Variants in ANKRD55 observed in about 807,000 individuals in gnomAD.
ANKRD55 encodes ankyrin repeat domain 55, also known as ankyrin repeat domain-containing protein 55.
A neutral mutation model predicts 60.6 loss-of-function variants in ANKRD55; 41 were observed. The observed-to-expected ratio is 0.68, with a 90% CI of 0.53 to 0.88. The LOEUF is 0.88. Among genes scored for constraint, ANKRD55 ranks in the 40% least tolerant of loss-of-function variants. ANKRD55 has a pLI of 0.00. For synonymous variants in ANKRD55, 264 were observed against 290.3 expected (o/e 0.91, Z 0.92); for missense variants, 732 against 767.6 (o/e 0.95, Z 0.55).
chr5:56,187,047 A>G (rs1289166388), intron 2 of ANKRD55, among the ~76,000 whole-genome samples: 1 of 152,254 alleles, frequency 6.6e-6, no homozygotes, highest in East Asian at 1.9e-4. Flanking sequence ...CACACTGTGG[A>G]CCACATACAG....
chr5:56,198,798 G>A (rs1435443565), intron 2 of ANKRD55, among the ~76,000 whole-genome samples: 1 of 151,948 alleles, frequency 6.6e-6, no homozygotes, highest in Non-Finnish European at 1.5e-5. Context: ...GTGTTTAGGG[G>A]CTGGGCAGCG....
intron 5 of ANKRD55, among the ~76,000 whole-genome samples, chr5:56,164,845 T>A (rs950726632): frequency 6.6e-6 from 1 of 152,184 alleles, no homozygotes; most frequent in African/African-American, 2.4e-5. Flanking sequence ...ATCTTTGCTT[T>A]TGTAAACCCA....
Position 56,159,851 on chromosome 5 carries a change from A to G in ANKRD55, c.465T>C (p.Ile155=). ...GGCTCACCTCATTGTCCTGGTGATTAATCTCGCTGATGTTCGACTGTTGCA... is the reference window on the plus strand; with the variant it reads ...GGCTCACCTCATTGTCCTGGTGATTGATCTCGCTGATGTTCGACTGTTGCA... ...VLLQQSNISE[I]NHQDNEGMTP... is the part of the protein sequence containing the mutation. Residue 155 remains isoleucine (I), a synonymous_variant, in exon 6 of 12, where the codon ATT becomes ATC. Coordinates refer to ENST00000341048, the MANE Select transcript of ANKRD55 (RefSeq NM_024669.3). 1 of 1,613,954 alleles carries G rather than the reference A, an allele frequency of 6.2e-7. No individual in the cohort carries two copies. The highest frequency in any genetic ancestry group is 8.5e-7 in the Non-Finnish European group (1 of 1,179,880).
intron 9 of ANKRD55, among the ~76,000 whole-genome samples, chr5:56,116,006 C>A (rs981890779): frequency 3.3e-5 from 5 of 150,280 alleles, no homozygotes; most frequent in African/African-American, 1.3e-4. Context: ...AGGCACCCAC[C>A]ACCATGCCTG....
chr5:56,195,814 G>A (rs532437486), intron 2 of ANKRD55, among the ~76,000 whole-genome samples: 1 of 152,232 alleles, frequency 6.6e-6, no homozygotes, highest in South Asian at 2.1e-4. Context: ...TTATTTGAGA[G>A]GATGTTCATT....
intron 5 of ANKRD55, among the ~76,000 whole-genome samples, chr5:56,169,526 C>T (rs1399045337): frequency 3.3e-5 from 5 of 151,528 alleles, no homozygotes; most frequent in African/African-American, 1.2e-4. Flanking sequence ...TTCTAAACAT[C>T]CTTGTTTTGT....
Position 56,171,108 on chromosome 5 carries a change from ACACAT to A in ANKRD55, c.313-310_313-306del, listed in dbSNP as rs1370535080. On this transcript the variant is annotated intron_variant, in intron 4 of 11. Coordinates refer to ENST00000341048, the MANE Select transcript of ANKRD55 (RefSeq NM_024669.3). ...ACTGGTATTACATGTATAAGCTCAG[ACACAT>A]GATAAATGGGCCTTGGTCTTCTATT... 2.6e-5 allele frequency among the ~76,000 whole-genome samples: 4 copies of A among 152,240 alleles called. No individual in the cohort carries two copies. In the East Asian group the frequency reaches 7.7e-4, roughly 29 times the overall value.
intron 10 of ANKRD55, among the ~76,000 whole-genome samples, chr5:56,109,979 C>T (rs1756625249): frequency 6.6e-6 from 1 of 151,760 alleles, no homozygotes; most frequent in East Asian, 1.9e-4. Flanking sequence ...GATCGTGTCA[C>T]TGTGGAGGTT....
intron 6 of ANKRD55, among the ~76,000 whole-genome samples, chr5:56,152,962 C>A (rs184849175): frequency 1.0e-3 from 156 of 152,166 alleles, no homozygotes; most frequent in Non-Finnish European, 1.6e-3. Context: ...CAGATTTTTA[C>A]ATTTCTGAAT....
At chr5:56,176,079 G>A (rs775415980) in intron 4 of ANKRD55, 73 bp downstream of exon 4, 8 of 1,581,114 alleles carry the variant, frequency 5.1e-6, no homozygotes, top group Non-Finnish European at 6.9e-6. Flanking sequence ...ATGCTCCTTT[G>A]CAACTGGGAC....
chr5:56,223,392 C>A (rs1240577786), intron 2 of ANKRD55, among the ~76,000 whole-genome samples: 1 of 152,264 alleles, frequency 6.6e-6, no homozygotes, highest in Middle Eastern at 3.4e-3. Context: ...TCAGCCACTG[C>A]AAAAACATGA....
chr5:56,112,511 A>AAAAAAAAAAACAAAAAAC lies in ANKRD55; in HGVS notation c.966-730_966-729insGTTTTTTGTTTTTTTTTT, dbSNP rs746250279. Among the ~76,000 whole-genome samples the AAAAAAAAAAACAAAAAAC allele has an allele frequency of 4.9e-5, 4 of 81,530 alleles. 1 individual carries two copies. Among genetic ancestry groups the AAAAAAAAAAACAAAAAAC allele is most frequent in the African/African-American group, 1.1e-4 (2 of 18,514 alleles). 53.5% of individuals were successfully genotyped at this position (81,530 alleles called of 152,430 possible). ...GCAGGATCTCATCTCTAGCAAAAAA[A>AAAAAAAAAAACAAAAAAC]AAAAAAAAAAACAACCAAGGAAAGA... On this transcript the variant is annotated intron_variant, in intron 9 of 11. Coordinates refer to ENST00000341048, the MANE Select transcript of ANKRD55 (RefSeq NM_024669.3).
chr5:56,132,347 G>T (rs1218344103), intron 7 of ANKRD55, among the ~76,000 whole-genome samples: 1 of 151,552 alleles, frequency 6.6e-6, no homozygotes, highest in Admixed American at 6.6e-5. Flanking sequence ...AAAGAATAAG[G>T]GCATGGGCGG....
chr5:56,174,979 A>G (rs993808605), intron 4 of ANKRD55, among the ~76,000 whole-genome samples: 2 of 152,170 alleles, frequency 1.3e-5, no homozygotes, highest in Non-Finnish European at 2.9e-5. Context: ...ACTAATGTGA[A>G]TAAGTTCTGA....
At chr5:56,162,117 G>T in intron 5 of ANKRD55, 1 of 777,948 alleles carries the variant, frequency 1.3e-6, no homozygotes, top group Non-Finnish European at 1.6e-6. Context: ...GGTCAGCTGT[G>T]GTCCAGTGTG....
chr5:56,199,549 A>C (rs976607992), intron 2 of ANKRD55, among the ~76,000 whole-genome samples: 17 of 151,884 alleles, frequency 1.1e-4, no homozygotes, highest in Non-Finnish European at 5.9e-5. Context: ...CAGTTGATTT[A>C]AATAATGCAT....
chr5:56,140,636 A>G (rs1197248449), intron 7 of ANKRD55, among the ~76,000 whole-genome samples: 1 of 152,202 alleles, frequency 6.6e-6, no homozygotes, highest in Non-Finnish European at 1.5e-5. Flanking sequence ...TGCTTATACA[A>G]TCATGGTCAA....
At chr5:56,123,109 AAGTCACTCGGGAAATGGGC>A (rs950737802) in intron 8 of ANKRD55, among the ~76,000 whole-genome samples, 3 of 151,992 alleles carry the variant, frequency 2.0e-5, no homozygotes, top group Admixed American at 6.6e-5. Context: ...TCCCTCTGGT[AAGTCACTCGGGAAATGGGC>A]AGTCCTGGGG....
chr5:56,210,560 C>CA (rs59566826), intron 2 of ANKRD55, among the ~76,000 whole-genome samples: 2,116 of 64,790 alleles, frequency 0.033, 90 homozygotes, highest in Non-Finnish European at 0.037. Flanking sequence ...GACTACGTCT[C>CA]AAAAAAAAAA....
Sources: gnomAD v4.1 joint callset for allele counts (sites outside exome capture counted in the v4.1 genomes callset) on GRCh38, gnomAD v4.1.1 for gene constraint, MANE v1.5 for transcripts, NCBI Gene and HGNC (gene_info 2026-07-23, HGNC 2026-07-21) for gene names.